AIF1: variants seen among roughly 807,000 people sequenced by gnomAD.
AIF1 encodes interferon gamma responsive transcript.
Under a neutral mutation model 20.6 loss-of-function variants are expected in AIF1, and 21 were observed. The observed-to-expected ratio is 1.02, with a 90% CI of 0.72 to 1.47. The LOEUF is 1.47. Among genes scored for constraint, AIF1 ranks in the 40% most tolerant of loss-of-function variants. AIF1 has a pLI of 0.00. For synonymous variants in AIF1, 52 were observed against 65.8 expected (o/e 0.79, Z 1.01); for missense variants, 161 against 170.5 (o/e 0.94, Z 0.31).
chr6:31,615,680 A>T lies in AIF1; in HGVS notation c.98A>T (p.Asp33Val). Residue 33 changes from aspartate to valine, a missense_variant, in exon 3 of 6, where the codon GAC becomes GTC. By Grantham distance (152) the Asp-to-Val change is radical. Transcript: ENST00000376059. ...RLDEINKQFL[D>V]DPKYSSDEDL... is the part of the protein sequence containing the mutation. ...TTTTCCCCTCCATAGCAATTCCTAG[A>T]CGATCCCAAATATAGCAGTGATGAG... is the stretch of plus-strand genomic sequence containing the variant. The T allele has an allele frequency of 6.2e-7, 1 of 1,613,130 alleles. No homozygotes were observed. Among genetic ancestry groups the T allele is most frequent in the Non-Finnish European group, 8.5e-7 (1 of 1,179,838 alleles).
Position 31,615,283 on chromosome 6 carries a change from C to T in AIF1, c.-47C>T, listed in dbSNP as rs1264297646. On this transcript the variant is annotated 5_prime_UTR_variant, in exon 1 of 6. Transcript: ENST00000376059. ...GAGAAGGAGAGCCTGCAGACAGAGG[C>T]CTCCAGCTTGGTCTGTCTCCCCACC... is the stretch of plus-strand genomic sequence containing the variant. 6.2e-7 allele frequency: 1 copy of T among 1,613,842 alleles called. No homozygotes were observed. Among genetic ancestry groups the T allele is most frequent in the Non-Finnish European group, 8.5e-7 (1 of 1,179,912 alleles).
At position 31,616,904 on chromosome 6, in the gene AIF1, G is replaced by A. The variant is rs746428273; in HGVS notation, c.*4G>A. ...AGCTATCTCTGAGTTGCCCTGATTT[G>A]AAGGGAAAAGGGATGATGGGATTGA... On this transcript the variant is annotated 3_prime_UTR_variant, in exon 6 of 6. Coordinates refer to ENST00000376059, the MANE Select transcript of AIF1 (RefSeq NM_001623.5). This position sits in a 1 kb window ranked among gnomAD's most constrained non-coding sequence, Gnocchi z 4.0. The A allele has an allele frequency of 3.6e-5, 58 of 1,614,064 alleles. No homozygotes were observed. The highest frequency in any genetic ancestry group is 6.7e-5 in the African/African-American group (5 of 74,936).
chr6:31,616,032 A>G lies in AIF1; in HGVS notation c.155-72A>G. ...TCCTCCACCTAGCAGTTGGTTGGCA[A>G]CCCCTTCCTCAGTCCCCTGCTGAAA... On this transcript the variant is annotated intron_variant, in intron 3 of 5. Transcript: ENST00000376059. The surrounding 1 kb of genome is among the most constrained non-coding windows in gnomAD (Gnocchi z 4.0). The G allele has an allele frequency of 6.6e-7, 1 of 1,521,510 alleles. No homozygotes were observed. The highest frequency in any genetic ancestry group is 1.3e-5 in the South Asian group (1 of 75,270). 94.3% of individuals were successfully genotyped at this position (1,521,510 alleles called of 1,614,324 possible).
chr6:31,615,946 G>T, intron 3 of AIF1, 158 bp from the exon 4 acceptor site: 1 of 1,482,140 alleles, frequency 6.7e-7, no homozygotes, highest in Non-Finnish European at 8.9e-7. Flanking sequence ...ACCCTAGCGG[G>T]GCCCCTCAAC....
chr6:31,615,414 G>A, intron 1 of AIF1, 60 bp downstream of exon 1: 1 of 1,613,458 alleles, frequency 6.2e-7, no homozygotes, highest in Non-Finnish European at 8.5e-7. Context: ...ACAGACCTGG[G>A]CTGTGGGCTA....
intron 3 of AIF1, 122 bp downstream of exon 3, chr6:31,615,858 C>T (rs939754489): frequency 1.3e-6 from 2 of 1,508,830 alleles, no homozygotes; most frequent in African/African-American, 2.8e-5. Flanking sequence ...AAAGGGGAAC[C>T]TGCCTTTATT....
At position 31,616,942 on chromosome 6, in the gene AIF1, T is replaced by A. The variant is rs141088133; in HGVS notation, c.*42T>A. 5.0e-5 allele frequency: 81 copies of A among 1,612,772 alleles called. No homozygotes were observed. The East Asian group carries it at 1.8e-3, about 36-fold the overall frequency. On this transcript the variant is annotated 3_prime_UTR_variant, in exon 6 of 6. Transcript: ENST00000376059. This position sits in a 1 kb window ranked among gnomAD's most constrained non-coding sequence, Gnocchi z 4.0. Reference sequence around the variant, plus strand: ...ATGATGGGATTGAAGGGGCTTCTAATGACCCAGATATGGAAACAGAAGACA... The same window carrying A: ...ATGATGGGATTGAAGGGGCTTCTAAAGACCCAGATATGGAAACAGAAGACA...
At position 31,615,528 on chromosome 6, in the gene AIF1, A is replaced by T. The variant is rs767324554; in HGVS notation, c.33A>T (p.Lys11Asn). ...ATTTTTTTCACCCCACAGGAGGAAAAGCTTTCGGACTGCTGAAGGCCCAGC... is the reference window on the plus strand; with the variant it reads ...ATTTTTTTCACCCCACAGGAGGAAATGCTTTCGGACTGCTGAAGGCCCAGC... The part of the protein sequence containing the change: MSQTRDLQGG[K>N]AFGLLKAQQE... Residue 11 changes from lysine (K) to asparagine (N), a missense_variant, in exon 2 of 6, where the codon AAA (lysine) becomes AAT (asparagine). Physicochemically the swap from Lys to Asn is moderately conservative, Grantham distance 94. Transcript: ENST00000376059. The T allele has an allele frequency of 1.3e-4, 211 of 1,613,376 alleles. 1 individual carries two copies. Among genetic ancestry groups the T allele is most frequent in the Non-Finnish European group, 1.1e-5 (13 of 1,179,948 alleles).
chr6:31,615,752 T>C lies in AIF1; in HGVS notation c.154+16T>C, dbSNP rs1774283304. The stretch of plus-strand genomic sequence containing the variant: ...GGCTTCAAAGGTGAGGGGGAAACTG[T>C]AGGCGGTGGAGACAGGGCTGGGGGT... On this transcript the variant is annotated intron_variant, in intron 3 of 5. Transcript: ENST00000376059. 2 of 1,602,718 alleles carry C rather than the reference T, an allele frequency of 1.2e-6. No homozygotes were observed. The highest frequency in any genetic ancestry group is 8.5e-7 in the Non-Finnish European group (1 of 1,174,238).
At position 31,615,236 on chromosome 6, in the gene AIF1, G is replaced by T. The variant is rs774751950; in HGVS notation, c.-94G>T. On this transcript the variant is annotated 5_prime_UTR_variant, in exon 1 of 6. Coordinates refer to ENST00000376059, the MANE Select transcript of AIF1 (RefSeq NM_001623.5). ...GGGAAAGGGGAAGTTTGGGAGGAAG[G>T]CTTCTGAGAAGACTGGTGGGAGAGA... The T allele has an allele frequency of 2.2e-5, 36 of 1,603,436 alleles. No individual in the cohort carries two copies. The South Asian group carries it at 3.9e-4, about 17-fold the overall frequency.
In AIF1 at chr6:31,616,533, G is replaced by GTACT. The variant is rs1309730422; in HGVS notation, c.359+31_359+34dup. Reference sequence around the variant, plus strand: ...TGAGTGTCAATTTCCAACCTCCCCTGTACTTACCTGTTTTCTCCTCCCCCA... The same window carrying GTACT: ...TGAGTGTCAATTTCCAACCTCCCCTGTACTTACTTACCTGTTTTCTCCTCCCCCA... On this transcript the variant is annotated intron_variant, in intron 5 of 5. Transcript: ENST00000376059. The surrounding 1 kb of genome is among the most constrained non-coding windows in gnomAD (Gnocchi z 4.0). The GTACT allele has an allele frequency of 9.5e-6, 15 of 1,575,372 alleles. No individual in the cohort carries two copies. Among genetic ancestry groups the GTACT allele is most frequent in the Non-Finnish European group, 1.3e-5 (15 of 1,160,826 alleles).
At chr6:31,615,431 C>G in intron 1 of AIF1, 77 bp downstream of exon 1, 1 of 1,612,934 alleles carries the variant, frequency 6.2e-7, no homozygotes, top group Non-Finnish European at 8.5e-7. Flanking sequence ...GCTAGGAGGG[C>G]AGTCAGCTGG....
rs781255782 is a variant in AIF1, at chr6:31,616,269, G to A, written c.197-75G>A. On this transcript the variant is annotated intron_variant, in intron 4 of 5. Transcript: ENST00000376059. This position sits in a 1 kb window ranked among gnomAD's most constrained non-coding sequence, Gnocchi z 4.0. The stretch of plus-strand genomic sequence containing the variant: ...CCACCTACCACAGTGGGAGGAAGGA[G>A]AATGGGGATGCGGAAGTGGGAGAGG... The A allele has an allele frequency of 2.0e-5, 33 of 1,612,950 alleles. No homozygotes were observed. In the Admixed American group the frequency reaches 2.5e-4, roughly 12 times the overall value.
intron 1 of AIF1, 77 bp downstream of exon 1, chr6:31,615,431 C>T: frequency 6.2e-7 from 1 of 1,612,934 alleles, no homozygotes; most frequent in Non-Finnish European, 8.5e-7. Context: ...GCTAGGAGGG[C>T]AGTCAGCTGG....
At position 31,616,655 on chromosome 6, in the gene AIF1, C is replaced by T. The variant is rs1433299130; in HGVS notation, c.359+149C>T. ...CCCTTCCAAGGTCCCGACCCCATCC[C>T]TATCCATAGTCCTGGTCCCCAGAAA... On this transcript the variant is annotated intron_variant, in intron 5 of 5. Transcript: ENST00000376059. This position sits in a 1 kb window ranked among gnomAD's most constrained non-coding sequence, Gnocchi z 4.0. 1 of 1,489,548 alleles carries T rather than the reference C, an allele frequency of 6.7e-7. No individual in the cohort carries two copies. The allele number at this position is 1,489,548 out of a possible 1,614,324, so 92.3% of individuals were successfully genotyped here.
rs1254311376 is a variant in AIF1 at position 31,615,582 on chromosome 6, G to A, written c.87G>A (p.Lys29=). Residue 29 remains lysine, a splice_region_variant and synonymous_variant, in exon 2 of 6, where the codon AAG becomes AAA. Coordinates refer to ENST00000376059, the MANE Select transcript of AIF1 (RefSeq NM_001623.5). ...AAGAGAGGCTGGATGAGATCAACAAGGTAGAAGGAAGAACTAAGGGGGCAG... is the reference window on the plus strand; with the variant it reads ...AAGAGAGGCTGGATGAGATCAACAAAGTAGAAGGAAGAACTAAGGGGGCAG... The part of the protein sequence containing the change: ...QQEERLDEIN[K]QFLDDPKYSS... The A allele has an allele frequency of 9.9e-6, 16 of 1,613,898 alleles. No individual in the cohort carries two copies. The highest frequency in any genetic ancestry group is 1.2e-5 in the Non-Finnish European group (14 of 1,179,984).
At chr6:31,615,456 G>T in intron 1 of AIF1, 65 bp from the exon 2 acceptor site, 1 of 1,613,606 alleles carries the variant, frequency 6.2e-7, no homozygotes, top group Non-Finnish European at 8.5e-7. Flanking sequence ...GGGTAGCCCG[G>T]GCTGGTGTCA....
chr6:31,616,592 C>T lies in AIF1; in HGVS notation c.359+86C>T. 1.7e-5 allele frequency: 26 copies of T among 1,525,836 alleles called. No homozygotes were observed. Among genetic ancestry groups the T allele is most frequent in the Non-Finnish European group, 2.3e-5 (26 of 1,138,078 alleles). 94.5% of individuals were successfully genotyped at this position (1,525,836 alleles called of 1,614,324 possible). On this transcript the variant is annotated intron_variant, in intron 5 of 5. Transcript: ENST00000376059. This position sits in a 1 kb window ranked among gnomAD's most constrained non-coding sequence, Gnocchi z 4.0. ...CTTGTCCACAGGCTCAACATTTCTA[C>T]ACGTTGCCCATCATCCCTTCTTCCA...
intron 3 of AIF1, 183 bp from the exon 4 acceptor site, chr6:31,615,921 C>T (rs1327133001): frequency 2.7e-6 from 4 of 1,477,256 alleles, no homozygotes; most frequent in African/African-American, 2.8e-5. Flanking sequence ...CTCAGCATCC[C>T]CTCTAGCTCC....
Sources: gnomAD v4.1 joint callset for allele counts on GRCh38, gnomAD v4.1.1 for gene constraint, Gnocchi (gnomAD v3.1) non-coding constraint, MANE v1.5 for transcripts, NCBI Gene and HGNC (gene_info 2026-07-23, HGNC 2026-07-21) for gene names.